CATSPER4: variants seen among roughly 807,000 people sequenced by gnomAD.
CATSPER4 encodes cation channel sperm-associated protein 4.
In CATSPER4, 46 loss-of-function variants were observed where a neutral mutation model predicts 54.4. The ratio of observed to expected loss-of-function variants is 0.84; its 90% confidence interval spans 0.67 to 1.08. The LOEUF (loss-of-function observed/expected upper bound fraction) is 1.08, where lower values mean the gene tolerates loss of function less well. CATSPER4 is among the 50% of genes least tolerant of loss of function. The probability of loss-of-function intolerance (pLI) is 0.00; values close to 1 mark genes in which losing one functional copy is unlikely to be tolerated. For synonymous variants in CATSPER4, 230 were observed against 231.9 expected (o/e 0.99, Z 0.08); for missense variants, 574 against 612.8 (o/e 0.94, Z 0.67).
chr1:26,202,202 G>A (rs1213259257), intron 9 of CATSPER4, among the ~76,000 whole-genome samples: 1 of 152,104 alleles, frequency 6.6e-6, no homozygotes, highest in Non-Finnish European at 1.5e-5. Context: ...CAGGACCCAG[G>A]ATCCTATCTA....
chr1:26,198,471 C>T (rs570648235), intron 6 of CATSPER4, 52 bp downstream of exon 6: 79 of 1,611,106 alleles, frequency 4.9e-5, no homozygotes, highest in South Asian at 2.5e-4. Flanking sequence ...GCAGGGTAGC[C>T]GGTGGAGCTC....
In CATSPER4 at chr1:26,190,677, G is replaced by T. The variant is rs374266648; in HGVS notation, c.50G>T (p.Gly17Val). The change falls in exon 1 of 10, where the codon GGC becomes GTC. Residue 17 changes from glycine (G) to valine (V), a missense_variant. Coordinates refer to ENST00000456354, the MANE Select transcript of CATSPER4 (RefSeq NM_198137.2). ...AWWQQWTSHT[G>V]LEGWGGTQED... ...TGGCAGCAATGGACCTCCCATACAG[G>T]CCTCGAGGGGTGGGGCGGGACTCAG... The T allele has an allele frequency of 6.8e-6, 11 of 1,610,482 alleles. No homozygotes were observed. In the African/African-American group the frequency reaches 1.3e-4, roughly 20 times the overall value.
At chr1:26,199,431 CAAA>C (rs557579569) in intron 6 of CATSPER4, among the ~76,000 whole-genome samples, 43 of 101,692 alleles carry the variant, frequency 4.2e-4, no homozygotes, top group African/African-American at 5.3e-4. Flanking sequence ...GACTCTGTCT[CAAA>C]AAAAAAAAAA....
At chr1:26,200,333 T>C (rs1014880087) in intron 7 of CATSPER4, among the ~76,000 whole-genome samples, 8 of 152,232 alleles carry the variant, frequency 5.3e-5, no homozygotes, top group African/African-American at 1.7e-4. Context: ...TCAATTTTTT[T>C]CTTTTGTAAA....
intron 3 of CATSPER4, among the ~76,000 whole-genome samples, chr1:26,197,473 A>G (rs936619273): frequency 6.6e-6 from 1 of 152,148 alleles, no homozygotes; most frequent in African/African-American, 2.4e-5. Context: ...CTGAGACTGC[A>G]TTTGGCTATT....
At chr1:26,193,692 C>G in intron 2 of CATSPER4, 95 bp from the exon 3 acceptor site, 109 of 796,580 alleles carry the variant, frequency 1.4e-4, no homozygotes, top group Non-Finnish European at 1.9e-4. Flanking sequence ...TGATACGGGA[C>G]TTCCCTCCCC....
rs1265599492 is a variant in CATSPER4 at position 26,202,503 on chromosome 1, C to T, written c.1380C>T (p.Ser460=). 3 of 1,611,754 alleles carry T rather than the reference C, an allele frequency of 1.9e-6. No homozygotes were observed. The highest frequency in any genetic ancestry group is 2.5e-6 in the Non-Finnish European group (3 of 1,178,968). Residue 460 remains serine, a synonymous_variant, in exon 10 of 10, where the codon AGC becomes AGT. Coordinates refer to ENST00000456354, the MANE Select transcript of CATSPER4 (RefSeq NM_198137.2). ...LVSMEKVHDS[S]SQILLKKHKS... is the part of the protein sequence containing the mutation. ...TTGGTTTGCAGGTTCATGACTCTAGCTCACAAATACTCCTTAAAAAACACA... is the reference window on the plus strand; with the variant it reads ...TTGGTTTGCAGGTTCATGACTCTAGTTCACAAATACTCCTTAAAAAACACA...
At chr1:26,197,240 T>C (rs1278621540) in intron 3 of CATSPER4, among the ~76,000 whole-genome samples, 1 of 152,176 alleles carries the variant, frequency 6.6e-6, no homozygotes, top group African/African-American at 2.4e-5. Flanking sequence ...TGAGAGCTAT[T>C]TCACCTCAGA....
At position 26,197,685 on chromosome 1, in the gene CATSPER4, G is replaced by C. The variant is rs1471704924; in HGVS notation, c.460-1G>C. On this transcript the variant is annotated splice_acceptor_variant, in intron 3 of 9. Coordinates refer to ENST00000456354, the MANE Select transcript of CATSPER4 (RefSeq NM_198137.2). LOFTEE classifies it high-confidence loss of function. The stretch of plus-strand genomic sequence containing the variant: ...CCCACTGGGGCTGGCCCACTCCCCA[G>C]GACGGCTGGAACATCCTCAACTTCA... The C allele has an allele frequency of 6.2e-7, 1 of 1,612,504 alleles. No individual in the cohort carries two copies. Among genetic ancestry groups the C allele is most frequent in the Admixed American group, 1.7e-5 (1 of 60,032 alleles).
Position 26,202,659 on chromosome 1 carries a change from G to GCCTCT in CATSPER4, c.*117_*118insCCTCT. 2.0e-6 allele frequency: 2 copies of GCCTCT among 983,306 alleles called. No individual in the cohort carries two copies. Among genetic ancestry groups the GCCTCT allele is most frequent in the Non-Finnish European group, 3.2e-6 (2 of 630,888 alleles). 60.9% of individuals were successfully genotyped at this position (983,306 alleles called of 1,614,324 possible). A position where few individuals can be genotyped will look rare whatever the true frequency, so the allele number is the denominator to read the frequency against. On this transcript the variant is annotated 3_prime_UTR_variant, in exon 10 of 10. Coordinates refer to ENST00000456354, the MANE Select transcript of CATSPER4 (RefSeq NM_198137.2). ...GAGCCCATCCTCTCCCTTATACCTGGGCAGAGGCCAGGGGCTGTGAAGGTG... is the reference window on the plus strand; with the variant it reads ...GAGCCCATCCTCTCCCTTATACCTGGCCTCTGCAGAGGCCAGGGGCTGTGAAGGTG...
In CATSPER4 at chr1:26,193,794, A is replaced by C; in HGVS notation, c.365A>C (p.Tyr122Ser). The stretch of plus-strand genomic sequence containing the variant: ...TCTCTGTCTCCCATGTAGAAACACT[A>C]TGAGTTGTTCTCTACCATAGATGAC... The part of the protein sequence containing the change: ...RTNSYLDQKH[Y>S]ELFSTIDDIV... Residue 122 changes from tyrosine to serine, a missense_variant, in exon 3 of 10, where the codon TAT becomes TCT. By Grantham distance (144) the Tyr-to-Ser change is moderately radical. Coordinates refer to ENST00000456354, the MANE Select transcript of CATSPER4 (RefSeq NM_198137.2). 1 of 1,609,182 alleles carries C rather than the reference A, an allele frequency of 6.2e-7. No individual in the cohort carries two copies. Among genetic ancestry groups the C allele is most frequent in the Non-Finnish European group, 8.5e-7 (1 of 1,175,540 alleles).
chr1:26,198,360 G>A lies in CATSPER4; in HGVS notation c.753G>A (p.Leu251=), dbSNP rs1411236880. ...PKHFQNIQVA[L]YTLFICITQD... ...ATTTCCAGAACATACAGGTTGCGCT[G>A]TACACCCTCTTCATCTGCATCACCC... Residue 251 remains leucine (L), a synonymous_variant, in exon 6 of 10, where the codon CTG becomes CTA. Coordinates refer to ENST00000456354, the MANE Select transcript of CATSPER4 (RefSeq NM_198137.2). The A allele has an allele frequency of 1.9e-6, 3 of 1,614,168 alleles. No homozygotes were observed. Among genetic ancestry groups the A allele is most frequent in the Admixed American group, 3.3e-5 (2 of 60,018 alleles).
chr1:26,200,148 A>G, intron 7 of CATSPER4, 90 bp downstream of exon 7: 1 of 1,457,360 alleles, frequency 6.9e-7, no homozygotes, highest in South Asian at 1.3e-5. Flanking sequence ...GTGCTTGCAT[A>G]ATCAAGGGCC....
intron 8 of CATSPER4, 78 bp from the exon 9 acceptor site, chr1:26,201,276 G>A (rs2089004420): frequency 6.7e-6 from 10 of 1,483,582 alleles, no homozygotes; most frequent in South Asian, 1.2e-5. Context: ...CGAAGCGGGG[G>A]TGACGCCAGG....
rs2088998523 is a variant in CATSPER4, at chr1:26,200,815, T to C, written c.988-15T>C. The C allele has an allele frequency of 2.5e-6, 4 of 1,610,808 alleles. No individual in the cohort carries two copies. The East Asian group carries it at 6.7e-5, about 27-fold the overall frequency. ...CCTGAGCTGTCCCGACCCCTCTCTA[T>C]CCCCCGCTTCCCAGACAGGCGCAGA... is the stretch of plus-strand genomic sequence containing the variant. On this transcript the variant is annotated splice_polypyrimidine_tract_variant and intron_variant, in intron 7 of 9. Transcript: ENST00000456354.
At chr1:26,197,846 G>T (rs537977279) in intron 4 of CATSPER4, 63 bp downstream of exon 4, 46 of 1,605,718 alleles carry the variant, frequency 2.9e-5, no homozygotes, top group Non-Finnish European at 3.5e-5. Flanking sequence ...GAGATGGGGG[G>T]ATAACGACCA....
chr1:26,201,474 G>A lies in CATSPER4; in HGVS notation c.1320G>A (p.Met440Ile), dbSNP rs757115096. 5 of 1,613,946 alleles carry A rather than the reference G, an allele frequency of 3.1e-6. No homozygotes were observed. In the African/African-American group the frequency reaches 4.0e-5, roughly 13 times the overall value. Residue 440 changes from methionine (M) to isoleucine (I), a missense_variant, in exon 9 of 10, where the codon ATG becomes ATA. Met to Ile is a conservative substitution (Grantham distance 10, BLOSUM62 1). Coordinates refer to ENST00000456354, the MANE Select transcript of CATSPER4 (RefSeq NM_198137.2). Reference protein sequence around the residue: ...ETTSSKDIRQMSQQQDLLSAL... With the variant: ...ETTSSKDIRQISQQQDLLSAL... ...CGTCATCCAAGGACATCCGCCAGAT[G>A]TCTCAACAGCAAGACTTGCTCAGTG...
rs2088965872 is a variant in CATSPER4 at position 26,198,250 on chromosome 1, G to C, written c.679-36G>C. On this transcript the variant is annotated intron_variant, in intron 5 of 9. Coordinates refer to ENST00000456354, the MANE Select transcript of CATSPER4 (RefSeq NM_198137.2). ...TGTGTGTCCTATTTCCAGGCCCTTT[G>C]GTGAAGTCGGGGTGGGGCTCTTTTC... 2.5e-6 allele frequency: 4 copies of C among 1,614,066 alleles called. No homozygotes were observed. The South Asian group carries it at 4.4e-5, about 18-fold the overall frequency.
chr1:26,191,358 ACTGCTGCTGGCC>A lies in CATSPER4; in HGVS notation c.296_307del (p.Ala99_Leu102del). The A allele has an allele frequency of 6.2e-7, 1 of 1,614,148 alleles. No homozygotes were observed. The highest frequency in any genetic ancestry group is 8.5e-7 in the Non-Finnish European group (1 of 1,180,024). ...AGCTGCTCCGACACCCCGCCTTCCA[ACTGCTGCTGGCC>A]CTGCTGCTGGTGATCAATGCCATCA... On this transcript the variant is annotated inframe_deletion, in exon 2 of 10. Coordinates refer to ENST00000456354, the MANE Select transcript of CATSPER4 (RefSeq NM_198137.2).
Sources: gnomAD v4.1 joint callset for allele counts (sites outside exome capture counted in the v4.1 genomes callset) on GRCh38, gnomAD v4.1.1 for gene constraint, MANE v1.5 for transcripts, NCBI Gene and HGNC (gene_info 2026-07-23, HGNC 2026-07-21) for gene names.